Variants in CSNK1G1 observed in about 807,000 individuals in gnomAD.
CSNK1G1 encodes casein kinase I isoform gamma-1.
A neutral mutation model predicts 59.6 loss-of-function variants in CSNK1G1; 22 were observed. The ratio of observed to expected loss-of-function variants is 0.37; its 90% confidence interval spans 0.26 to 0.53. The LOEUF (loss-of-function observed/expected upper bound fraction) is 0.53, where lower values mean the gene tolerates loss of function less well. CSNK1G1 is among the 20% of genes least tolerant of loss of function. The pLI is 0.89. For synonymous variants in CSNK1G1, 179 were observed against 177.1 expected (o/e 1.01, Z -0.08); for missense variants, 384 against 519.5 (o/e 0.74, Z 2.54).
At chr15:64,326,873 G>A (rs1251902198) in intron 1 of CSNK1G1, among the ~76,000 whole-genome samples, 3 of 151,106 alleles carry the variant, frequency 2.0e-5, no homozygotes, top group Non-Finnish European at 3.0e-5. Flanking sequence ...AAGCGCAAGG[G>A]GTCAGGGAGT....
chr15:64,272,662 T>C (rs1596196327), intron 2 of CSNK1G1, among the ~76,000 whole-genome samples: 1 of 152,206 alleles, frequency 6.6e-6, no homozygotes, highest in East Asian at 1.9e-4. Flanking sequence ...TTCACTAGTT[T>C]GTATATTTAA....
At chr15:64,345,134 A>C (rs1011078293) in intron 1 of CSNK1G1, among the ~76,000 whole-genome samples, 1 of 152,214 alleles carries the variant, frequency 6.6e-6, no homozygotes, top group Non-Finnish European at 1.5e-5. Context: ...GTTTTAGAAA[A>C]TAGAAGCTGT....
chr15:64,243,528 G>C (rs892878382), intron 4 of CSNK1G1, among the ~76,000 whole-genome samples: 1 of 151,880 alleles, frequency 6.6e-6, no homozygotes, highest in Non-Finnish European at 1.5e-5. Flanking sequence ...ATTCAACATA[G>C]TACTAGAAGT....
Position 64,188,414 on chromosome 15 carries a change from C to G in CSNK1G1, c.1108-7960G>C. The stretch of plus-strand genomic sequence containing the variant: ...CATGGCGGTCTGCAGCCAAGTGAGA[C>G]GTTAGGTATGAGGTATTGGTCTGCC... On this transcript the variant is annotated intron_variant, in intron 10 of 11. Transcript: ENST00000303052. This position sits in a 1 kb window ranked among gnomAD's most constrained non-coding sequence, Gnocchi z 4.2. 8.5e-6 allele frequency: 13 copies of G among 1,536,108 alleles called. No homozygotes were observed. The highest frequency in any genetic ancestry group is 1.0e-5 in the Non-Finnish European group (12 of 1,146,902).
chr15:64,180,188 G>A, intron 11 of CSNK1G1, 160 bp downstream of exon 11: 1 of 585,462 alleles, frequency 1.7e-6, no homozygotes, highest in Non-Finnish European at 3.1e-6. Context: ...AAGGGCAGTA[G>A]CAGCCTTAAG....
chr15:64,266,859 A>C (rs1358494498), intron 2 of CSNK1G1, among the ~76,000 whole-genome samples: 4 of 152,222 alleles, frequency 2.6e-5, no homozygotes, highest in African/African-American at 9.7e-5. Context: ...GCAAAAATCA[A>C]CTCAAAATGA....
At chr15:64,263,628 T>C (rs1225325161) in intron 2 of CSNK1G1, among the ~76,000 whole-genome samples, 1 of 152,168 alleles carries the variant, frequency 6.6e-6, no homozygotes, top group East Asian at 1.9e-4. Context: ...CTCCAATTCC[T>C]AAGCCTATCT....
chr15:64,327,690 G>A, intron 1 of CSNK1G1, among the ~76,000 whole-genome samples: 1 of 151,958 alleles, frequency 6.6e-6, no homozygotes, highest in Non-Finnish European at 1.5e-5. Flanking sequence ...TTTTGACGAG[G>A]TGAGAGAAGA....
chr15:64,251,542 A>G lies in CSNK1G1; in HGVS notation c.262T>C (p.Tyr88His). The G allele has an allele frequency of 6.2e-7, 1 of 1,612,680 alleles. No homozygotes were observed. Among genetic ancestry groups the G allele is most frequent in the Non-Finnish European group, 8.5e-7 (1 of 1,179,116 alleles). The part of the protein sequence containing the change: ...KSRAPQLHLE[Y>H]RFYKQLGSAG... Reference sequence around the variant, plus strand: ...CTGCCAAGCTGTTTATAAAATCTGTACTCTAAATGAAGCTGTGGAGCACGT... The same window carrying G: ...CTGCCAAGCTGTTTATAAAATCTGTGCTCTAAATGAAGCTGTGGAGCACGT... Residue 88 changes from tyrosine to histidine, a missense_variant, in exon 4 of 12, where the codon TAC (tyrosine) becomes CAC (histidine). Tyr to His is a moderately conservative substitution (Grantham distance 83). Around this residue, in one of 3 missense-constraint regions of CSNK1G1, gnomAD observed 325 missense variants for 440.9 expected, o/e 0.74. Transcript: ENST00000303052.
intron 4 of CSNK1G1, among the ~76,000 whole-genome samples, chr15:64,238,518 A>AAAAAAAAT (rs1555396879): frequency 4.1e-5 from 2 of 49,248 alleles, no homozygotes; most frequent in African/African-American, 2.3e-4. Flanking sequence ...AAAAAAAAAA[A>AAAAAAAAT]ATATATATAT....
intron 1 of CSNK1G1, among the ~76,000 whole-genome samples, chr15:64,343,370 C>T (rs1897781677): frequency 6.6e-6 from 1 of 152,170 alleles, no homozygotes; most frequent in Non-Finnish European, 1.5e-5. Context: ...TGGCCTAGTA[C>T]ACTTTCTTGC....
intron 4 of CSNK1G1, among the ~76,000 whole-genome samples, chr15:64,240,040 C>T (rs1376573496): frequency 6.6e-6 from 1 of 152,024 alleles, no homozygotes; most frequent in Non-Finnish European, 1.5e-5. Context: ...TCAAGACCAG[C>T]CTGGCTAACA....
intron 1 of CSNK1G1, among the ~76,000 whole-genome samples, chr15:64,310,193 G>A (rs547632635): frequency 3.9e-5 from 6 of 152,114 alleles, no homozygotes; most frequent in African/African-American, 1.4e-4. Flanking sequence ...ATTGTCAATA[G>A]TCAGCTATTT....
intron 4 of CSNK1G1, among the ~76,000 whole-genome samples, chr15:64,241,748 A>C (rs1891471416): frequency 6.6e-6 from 1 of 152,050 alleles, no homozygotes; most frequent in Non-Finnish European, 1.5e-5. Flanking sequence ...AGCAATAAAC[A>C]CATCAAAAAA....
At chr15:64,284,253 T>C (rs1221789303) in intron 2 of CSNK1G1, among the ~76,000 whole-genome samples, 1 of 152,110 alleles carries the variant, frequency 6.6e-6, no homozygotes, top group African/African-American at 2.4e-5. Context: ...AAAGTATGAG[T>C]CATCCAACTT....
intron 1 of CSNK1G1, among the ~76,000 whole-genome samples, chr15:64,344,780 C>A (rs139078697): frequency 6.6e-6 from 1 of 152,182 alleles, no homozygotes; most frequent in African/African-American, 2.4e-5. Flanking sequence ...AGTCACTTAG[C>A]CTCTCTGCAC....
intron 1 of CSNK1G1, among the ~76,000 whole-genome samples, chr15:64,306,443 T>C (rs1192193090): frequency 6.6e-6 from 1 of 152,190 alleles, no homozygotes; most frequent in Admixed American, 6.5e-5. Flanking sequence ...GATACCACTA[T>C]ACACTTATTA....
intron 1 of CSNK1G1, among the ~76,000 whole-genome samples, chr15:64,321,162 T>C (rs1896541644): frequency 6.6e-6 from 1 of 151,536 alleles, no homozygotes; most frequent in African/African-American, 2.4e-5. Flanking sequence ...ATGCAAAAAA[T>C]AACAATTTAA....
chr15:64,225,463 T>C (rs577806844), intron 4 of CSNK1G1, among the ~76,000 whole-genome samples: 1 of 152,254 alleles, frequency 6.6e-6, no homozygotes, highest in East Asian at 1.9e-4. Flanking sequence ...TTCATCTGCA[T>C]ATATGCCATA....
Sources: allele counts gnomAD v4.1 joint callset (sites outside exome capture counted in the v4.1 genomes callset), GRCh38; gene constraint gnomAD v4.1.1; regional missense constraint gnomAD v4.1.1; non-coding constraint Gnocchi (gnomAD v3.1); transcripts MANE v1.5; gene names NCBI Gene and HGNC (gene_info 2026-07-23, HGNC 2026-07-21).